Variants in CSNK1G1 observed in about 807,000 individuals in gnomAD.
The protein encoded by CSNK1G1 is casein kinase I isoform gamma-1.
In CSNK1G1, 22 loss-of-function variants were observed where a neutral mutation model predicts 59.6. The ratio of observed to expected loss-of-function variants is 0.37; its 90% CI spans 0.26 to 0.53. CSNK1G1 has a LOEUF of 0.53. Among genes scored for constraint, CSNK1G1 ranks in the 20% least tolerant of loss-of-function variants. CSNK1G1 has a pLI of 0.89. For synonymous variants in CSNK1G1, 179 were observed against 177.1 expected (o/e 1.01, Z -0.08); for missense variants, 384 against 519.5 (o/e 0.74, Z 2.54).
intron 2 of CSNK1G1, among the ~76,000 whole-genome samples, chr15:64,299,799 G>T (rs967852603): frequency 6.6e-6 from 1 of 151,952 alleles, no homozygotes; most frequent in Non-Finnish European, 1.5e-5. Flanking sequence ...GGAAACTCCA[G>T]GAAGAAACGC....
chr15:64,197,208 T>C (rs2082049550), intron 10 of CSNK1G1, among the ~76,000 whole-genome samples: 1 of 152,258 alleles, frequency 6.6e-6, no homozygotes. Flanking sequence ...TGAGCTCTTC[T>C]TTCTCCTTCT....
At chr15:64,181,063 C>G in intron 10 of CSNK1G1, 1 of 1,183,352 alleles carries the variant, frequency 8.5e-7, no homozygotes. Flanking sequence ...TCACACTTTC[C>G]TTCAGAAATT....
intron 1 of CSNK1G1, among the ~76,000 whole-genome samples, chr15:64,312,927 C>A (rs989448084): frequency 1.3e-5 from 2 of 152,132 alleles, no homozygotes; most frequent in Non-Finnish European, 2.9e-5. Context: ...CAAACAACCC[C>A]ATCAAAAAGT....
intron 2 of CSNK1G1, among the ~76,000 whole-genome samples, chr15:64,295,881 C>G (rs1435644530): frequency 1.3e-5 from 2 of 152,170 alleles, no homozygotes; most frequent in Non-Finnish European, 2.9e-5. Context: ...CAATTTCGTC[C>G]CAACTTACCT....
chr15:64,236,924 G>T lies in CSNK1G1; in HGVS notation c.292+14588C>A, dbSNP rs115125677. On this transcript the variant is annotated intron_variant, in intron 4 of 11. Transcript: ENST00000303052. The stretch of plus-strand genomic sequence containing the variant: ...CAATGGATGAATCAATAAAGAAAAT[G>T]TGGTATACATACATAATAGAGTAAT... 8.4e-3 allele frequency among the ~76,000 whole-genome samples: 1,279 copies of T among 152,296 alleles called. 19 individuals carry two copies. Among genetic ancestry groups the T allele is most frequent in the African/African-American group, 0.029 (1,200 of 41,560 alleles).
chr15:64,205,874 T>TA (rs201459172), intron 7 of CSNK1G1, among the ~76,000 whole-genome samples: 268 of 152,326 alleles, frequency 1.8e-3, no homozygotes, highest in African/African-American at 6.3e-3. Flanking sequence ...GTGGAAGTCT[T>TA]ACGTTTTAGG....
chr15:64,316,780 T>A (rs374571681), intron 1 of CSNK1G1: 2 of 152,102 alleles, frequency 1.3e-5, no homozygotes, highest in African/African-American at 4.8e-5. Flanking sequence ...AGACATTGTA[T>A]GGAAAAGCAT....
chr15:64,324,729 A>C (rs558047520), intron 1 of CSNK1G1, among the ~76,000 whole-genome samples: 3 of 152,202 alleles, frequency 2.0e-5, no homozygotes, highest in African/African-American at 2.4e-5. Context: ...CATATATTCT[A>C]TTAGTTCTGT....
At chr15:64,249,181 C>A (rs2140315628) in intron 4 of CSNK1G1, among the ~76,000 whole-genome samples, 1 of 152,196 alleles carries the variant, frequency 6.6e-6, no homozygotes, top group East Asian at 1.9e-4. Context: ...TGAAGAACTT[C>A]AAATACACTG....
chr15:64,218,558 T>A (rs1417595013), intron 4 of CSNK1G1, among the ~76,000 whole-genome samples: 1 of 151,830 alleles, frequency 6.6e-6, no homozygotes, highest in Non-Finnish European at 1.5e-5. Context: ...CCAATTTTTT[T>A]TTGCATTTTT....
chr15:64,278,619 G>A (rs1283045195), intron 2 of CSNK1G1, among the ~76,000 whole-genome samples: 2 of 151,968 alleles, frequency 1.3e-5, no homozygotes, highest in Non-Finnish European at 2.9e-5. Context: ...AGTAGAGACA[G>A]GGTTTCACCA....
At chr15:64,329,111 TCAA>T (rs1391383546) in intron 1 of CSNK1G1, among the ~76,000 whole-genome samples, 1 of 151,248 alleles carries the variant, frequency 6.6e-6, no homozygotes, top group Non-Finnish European at 1.5e-5. Flanking sequence ...ATTAGACAGA[TCAA>T]CGAGACAGAA....
At chr15:64,289,324 A>G (rs1010243392) in intron 2 of CSNK1G1, among the ~76,000 whole-genome samples, 4 of 152,178 alleles carry the variant, frequency 2.6e-5, no homozygotes, top group African/African-American at 9.7e-5. Context: ...ATATTAATGC[A>G]ATGCAGACTG....
chr15:64,346,275 A>G (rs912343090), intron 1 of CSNK1G1, among the ~76,000 whole-genome samples: 1 of 151,278 alleles, frequency 6.6e-6, no homozygotes, highest in African/African-American at 2.4e-5. Context: ...ACCCATGTGC[A>G]TGCATATACA....
intron 4 of CSNK1G1, among the ~76,000 whole-genome samples, chr15:64,245,120 A>C (rs1891682964): frequency 6.6e-6 from 1 of 152,210 alleles, no homozygotes; most frequent in Non-Finnish European, 1.5e-5. Context: ...TTAAAGACTT[A>C]GATGTAAGAC....
intron 10 of CSNK1G1, among the ~76,000 whole-genome samples, chr15:64,190,668 C>A (rs2081958795): frequency 6.6e-6 from 1 of 152,194 alleles, no homozygotes; most frequent in African/African-American, 2.4e-5. Context: ...CCCGCCTCGG[C>A]CTCCCAAAGT....
chr15:64,277,806 ATATTAATATTG>A (rs1893793463), intron 2 of CSNK1G1, among the ~76,000 whole-genome samples: 3 of 135,104 alleles, frequency 2.2e-5, no homozygotes, highest in African/African-American at 5.6e-5. Context: ...TATATTTAAT[ATATTAATATTG>A]ATATATTTAA....
intron 1 of CSNK1G1, among the ~76,000 whole-genome samples, chr15:64,333,761 A>C (rs1035417055): frequency 2.6e-5 from 4 of 152,224 alleles, no homozygotes; most frequent in African/African-American, 9.6e-5. Flanking sequence ...AGCTGTTCTT[A>C]CATCAGATAA....
At chr15:64,205,203 G>C (rs898453775) in intron 7 of CSNK1G1, among the ~76,000 whole-genome samples, 1 of 152,116 alleles carries the variant, frequency 6.6e-6, no homozygotes, top group Non-Finnish European at 1.5e-5. Context: ...AAATATAATG[G>C]ATGAGTGGCT....
Sources: allele counts gnomAD v4.1 joint callset (sites outside exome capture counted in the v4.1 genomes callset), GRCh38; gene constraint gnomAD v4.1.1; transcripts MANE v1.5; gene names NCBI Gene and HGNC (gene_info 2026-07-23, HGNC 2026-07-21).